Variants in GABRA1 observed in about 807,000 individuals in gnomAD.
GABRA1 encodes the protein gamma-aminobutyric acid type A receptor subunit alpha1.
In GABRA1, 9 loss-of-function variants were observed where a neutral mutation model predicts 48.9. The ratio of observed to expected loss-of-function variants is 0.18; its 90% CI spans 0.11 to 0.32. The LOEUF (loss-of-function observed/expected upper bound fraction) is 0.32. GABRA1 is among the 10% of genes least tolerant of loss of function. GABRA1 has a pLI of 1.00. For synonymous variants in GABRA1, 210 were observed against 198.7 expected, an observed-to-expected ratio of 1.06 and a Z score of -0.48; for missense variants, 285 against 553.8, an observed-to-expected ratio of 0.51 and a Z score of 4.87.
At chr5:161,894,690 A>G (rs1015206180) in intron 8 of GABRA1, among the ~76,000 whole-genome samples, 6 of 149,690 alleles carry the variant, frequency 4.0e-5, no homozygotes, top group African/African-American at 1.3e-4. Context: ...TTTAAAGGGA[A>G]CCTGACAGCA....
rs766979006 is a variant in GABRA1, at chr5:161,895,645, TG to T, written c.857-20del. 1.5e-5 allele frequency: 23 copies of T among 1,568,988 alleles called. No homozygotes were observed. Among genetic ancestry groups the T allele is most frequent in the South Asian group, 1.2e-4 (11 of 89,872 alleles). ...TCACAGTATGAACTGGCATCATGTA[TG>T]TTTTTTTTTTTCTTTACAGGAGTAA... On this transcript the variant is annotated intron_variant, in intron 8 of 9. Coordinates refer to ENST00000393943, the MANE Select transcript of GABRA1 (RefSeq NM_001127644.2).
chr5:161,848,341 C>G lies in GABRA1; in HGVS notation c.-97C>G, dbSNP rs1581171961. ...GCCCGGACTCGGACTCGCAGACTCGCGCTGGCTCCAGTCTCTCCACGATTC... is the reference window on the plus strand; with the variant it reads ...GCCCGGACTCGGACTCGCAGACTCGGGCTGGCTCCAGTCTCTCCACGATTC... On this transcript the variant is annotated 5_prime_UTR_variant, in exon 1 of 10. Coordinates refer to ENST00000393943, the MANE Select transcript of GABRA1 (RefSeq NM_001127644.2). The G allele has an allele frequency of 6.6e-6, 1 of 152,452 alleles. No individual in the cohort carries two copies. Among genetic ancestry groups the G allele is most frequent in the East Asian group, 1.9e-4 (1 of 5,160 alleles). 9.4% of individuals were successfully genotyped at this position (152,452 alleles called of 1,614,324 possible). A position where few individuals can be genotyped will look rare whatever the true frequency, so the allele number is the denominator to read the frequency against.
intron 4 of GABRA1, among the ~76,000 whole-genome samples, chr5:161,869,782 G>A (rs1443540854): frequency 6.6e-6 from 1 of 152,088 alleles, no homozygotes; most frequent in Non-Finnish European, 1.5e-5. Flanking sequence ...TGAGTGGTGG[G>A]GGCTGGAGCC....
chr5:161,890,843 A>G (rs1482592676), intron 7 of GABRA1, 55 bp from the exon 8 acceptor site: 1 of 1,527,438 alleles, frequency 6.5e-7, no homozygotes. Context: ...AACCTCAGAG[A>G]TTACCTTTTT....
chr5:161,852,343 T>C (rs146792460), intron 2 of GABRA1, among the ~76,000 whole-genome samples: 20 of 152,234 alleles, frequency 1.3e-4, no homozygotes, highest in African/African-American at 4.6e-4. Flanking sequence ...AGAATTGTTT[T>C]AATAATTTAA....
In GABRA1 at chr5:161,863,979, C is replaced by A. The variant is rs577947865; in HGVS notation, c.188-1742C>A. On this transcript the variant is annotated intron_variant, in intron 3 of 9. Coordinates refer to ENST00000393943, the MANE Select transcript of GABRA1 (RefSeq NM_001127644.2). ...GTTTTCCAGCCACAGAAACTTCCCC[C>A]CTTGCTGCCCCGCCACTGGACACTT... 2.0e-5 allele frequency among the ~76,000 whole-genome samples: 3 copies of A among 151,964 alleles called. No individual in the cohort carries two copies. In the East Asian group the frequency reaches 5.8e-4, roughly 30 times the overall value.
chr5:161,878,339 G>A (rs901834838), intron 6 of GABRA1, among the ~76,000 whole-genome samples: 1 of 152,138 alleles, frequency 6.6e-6, no homozygotes, highest in Non-Finnish European at 1.5e-5. Context: ...AGAGGCAGGG[G>A]CAGTCCATTT....
chr5:161,877,924 G>T (rs1308126996), intron 6 of GABRA1, among the ~76,000 whole-genome samples: 1 of 152,110 alleles, frequency 6.6e-6, no homozygotes, highest in East Asian at 1.9e-4. Context: ...GGCCTTCCCT[G>T]ATGACCTTAT....
chr5:161,875,698 T>G, intron 6 of GABRA1, 56 bp downstream of exon 6: 6 of 1,264,298 alleles, frequency 4.7e-6, no homozygotes, highest in African/African-American at 1.5e-5. Flanking sequence ...AAGAGATCTC[T>G]AGCTATATCT....
At chr5:161,870,125 C>T (rs543833943) in intron 4 of GABRA1, among the ~76,000 whole-genome samples, 2 of 152,176 alleles carry the variant, frequency 1.3e-5, no homozygotes, top group South Asian at 4.1e-4. Flanking sequence ...GTGAATTATC[C>T]CATTTTATAG....
At position 161,866,674 on chromosome 5, in the gene GABRA1, A is replaced by G. The variant is rs912348862; in HGVS notation, c.255+886A>G. 3.9e-5 allele frequency among the ~76,000 whole-genome samples: 6 copies of G among 152,108 alleles called. No homozygotes were observed. The East Asian group carries it at 1.2e-3, about 29-fold the overall frequency. ...CCTGACAAGTTCTGAGGTAAAACAA[A>G]CAAAACTATATTTTATCTGGTGTTT... On this transcript the variant is annotated intron_variant, in intron 4 of 9. Transcript: ENST00000393943.
At chr5:161,890,360 G>T (rs764158750) in intron 7 of GABRA1, among the ~76,000 whole-genome samples, 1 of 152,062 alleles carries the variant, frequency 6.6e-6, no homozygotes, top group Non-Finnish European at 1.5e-5. Flanking sequence ...AAAGATTCTA[G>T]CCCACTCTCC....
At chr5:161,889,561 A>G (rs1320306204) in intron 7 of GABRA1, among the ~76,000 whole-genome samples, 1 of 152,106 alleles carries the variant, frequency 6.6e-6, no homozygotes, top group Non-Finnish European at 1.5e-5. Context: ...ATTCAGCTGC[A>G]GAAGATAGGT....
chr5:161,860,979 G>A (rs939103872), intron 3 of GABRA1, among the ~76,000 whole-genome samples: 1 of 151,116 alleles, frequency 6.6e-6, no homozygotes, highest in Non-Finnish European at 1.5e-5. Context: ...TTTTTTTTCT[G>A]GCAGAATCAG....
intron 6 of GABRA1, among the ~76,000 whole-genome samples, chr5:161,878,344 C>T (rs774633154): frequency 1.9e-4 from 29 of 152,228 alleles, no homozygotes; most frequent in Admixed American, 7.9e-4. Context: ...CAGGGGCAGT[C>T]CATTTGTTGT....
intron 4 of GABRA1, among the ~76,000 whole-genome samples, chr5:161,871,112 T>G (rs1754101599): frequency 6.6e-6 from 1 of 152,084 alleles, no homozygotes; most frequent in Non-Finnish European, 1.5e-5. Flanking sequence ...ATCAGGATGT[T>G]GGCAAGTCTT....
intron 4 of GABRA1, among the ~76,000 whole-genome samples, chr5:161,866,172 T>C (rs1414582176): frequency 2.0e-5 from 3 of 152,078 alleles, no homozygotes; most frequent in African/African-American, 7.2e-5. Context: ...GCCATAAACA[T>C]TATGATTTCT....
chr5:161,870,619 AAGAC>A (rs1181803044), intron 4 of GABRA1, among the ~76,000 whole-genome samples: 157 of 150,826 alleles, frequency 1.0e-3, no homozygotes, highest in African/African-American at 2.8e-3. Context: ...GGAAGAAAGA[AAGAC>A]AGACAGACAG....
chr5:161,887,729 G>A (rs1032052087), intron 7 of GABRA1, among the ~76,000 whole-genome samples: 9 of 152,092 alleles, frequency 5.9e-5, no homozygotes, highest in African/African-American at 1.7e-4. Context: ...TTTGTTGAAT[G>A]ACCAAGTGGT....
Sources: allele counts gnomAD v4.1 joint callset (sites outside exome capture counted in the v4.1 genomes callset), GRCh38; gene constraint gnomAD v4.1.1; transcripts MANE v1.5; gene names NCBI Gene and HGNC (gene_info 2026-07-23, HGNC 2026-07-21).